SPRING1: variants seen among roughly 807,000 people sequenced by gnomAD.
SPRING1 encodes SREBP regulating gene protein.
Under a neutral mutation model 24.7 loss-of-function variants are expected in SPRING1, and 14 were observed. That is an observed-to-expected ratio of 0.57 (90% confidence interval 0.37 to 0.88). The LOEUF is 0.88. Among genes scored for constraint, SPRING1 ranks in the 40% least tolerant of loss-of-function variants. SPRING1 has a pLI of 0.00. For missense variants in SPRING1, 255 were observed against 268.4 expected, an observed-to-expected ratio of 0.95 and a Z score of 0.35; for synonymous variants, 93 against 106.1, an observed-to-expected ratio of 0.88 and a Z score of 0.76.
intron 1 of SPRING1, among the ~76,000 whole-genome samples, chr12:116,723,816 C>T (rs1306828067): frequency 6.6e-6 from 1 of 152,104 alleles, no homozygotes; most frequent in Admixed American, 6.5e-5. Flanking sequence ...AGTATGTAAC[C>T]CGCTACGGAA....
In SPRING1 at chr12:116,720,970, T is replaced by A. The variant is rs1354636096; in HGVS notation, c.269-523A>T. 6.6e-6 allele frequency among the ~76,000 whole-genome samples: 1 copy of A among 152,194 alleles called. No homozygotes were observed. Among genetic ancestry groups the A allele is most frequent in the Admixed American group, 6.5e-5 (1 of 15,288 alleles). On this transcript the variant is annotated intron_variant, in intron 2 of 4. Transcript: ENST00000261318. The surrounding 1 kb of genome is among the most constrained non-coding windows in gnomAD (Gnocchi z 4.0). ...GATTACAAAAATAGAAATATTCACATCTAACCCTTATAAACTGATTTATAC... is the reference window on the plus strand; with the variant it reads ...GATTACAAAAATAGAAATATTCACAACTAACCCTTATAAACTGATTTATAC...
chr12:116,730,094 G>A (rs1870902030), intron 1 of SPRING1, among the ~76,000 whole-genome samples: 1 of 151,960 alleles, frequency 6.6e-6, no homozygotes, highest in South Asian at 2.1e-4. Context: ...TAGAGACAGG[G>A]TTTCACTGTG....
At position 116,710,557 on chromosome 12, in the gene SPRING1, A is replaced by T. The variant is rs1869827343; in HGVS notation, c.*7253T>A. ...GCCAAAAGGCAGCTATTTTTATGAC[A>T]GAAAACACAGCAGCTGTTTTCACAG... On this transcript the variant is annotated 3_prime_UTR_variant, in exon 5 of 5. Coordinates refer to ENST00000261318, the MANE Select transcript of SPRING1 (RefSeq NM_024738.4). 6.6e-6 allele frequency: 1 copy of T among 152,282 alleles called. No individual in the cohort carries two copies. Among genetic ancestry groups the T allele is most frequent in the Non-Finnish European group, 1.5e-5 (1 of 68,052 alleles). The allele number at this position is 152,282 out of a possible 1,614,324, so 9.4% of individuals were successfully genotyped here. A position where few individuals can be genotyped will look rare whatever the true frequency, so the allele number is the denominator to read the frequency against.
Position 116,719,872 on chromosome 12 carries a change from AG to A in SPRING1, c.424del (p.Leu142PhefsTer49). On this transcript the variant is annotated frameshift_variant, in exon 4 of 5. Coordinates refer to ENST00000261318, the MANE Select transcript of SPRING1 (RefSeq NM_024738.4). LOFTEE classifies it high-confidence loss of function. ...CCGGTTGAGGAAGCGCTCCAGGAGAAGTTGCTATGGAAACAAAAGTTAGTGC... is the reference window on the plus strand; with the variant it reads ...CCGGTTGAGGAAGCGCTCCAGGAGAATTGCTATGGAAACAAAAGTTAGTGC... ...VSCCLQPNKQLLLERFLNRAA... is the reference protein window; with the variant it reads ...VSCCLQPNKQXLLERFLNRAA... The A allele has an allele frequency of 6.2e-7, 1 of 1,614,102 alleles. No homozygotes were observed. The highest frequency in any genetic ancestry group is 8.5e-7 in the Non-Finnish European group (1 of 1,179,946).
Position 116,728,729 on chromosome 12 carries a change from T to G in SPRING1, c.112-5506A>C, listed in dbSNP as rs1254742354. 6.6e-6 allele frequency among the ~76,000 whole-genome samples: 1 copy of G among 152,138 alleles called. No homozygotes were observed. Among genetic ancestry groups the G allele is most frequent in the African/African-American group, 2.4e-5 (1 of 41,436 alleles). ...ACACACCCTGGACCCGTACACTCCATCTCACCATCTCCATTTTACAGAGGA... is the reference window on the plus strand; with the variant it reads ...ACACACCCTGGACCCGTACACTCCAGCTCACCATCTCCATTTTACAGAGGA... On this transcript the variant is annotated intron_variant, in intron 1 of 4. Coordinates refer to ENST00000261318, the MANE Select transcript of SPRING1 (RefSeq NM_024738.4). The surrounding 1 kb of genome is among the most constrained non-coding windows in gnomAD (Gnocchi z 4.2).
At chr12:116,726,313 C>G (rs1870685200) in intron 1 of SPRING1, among the ~76,000 whole-genome samples, 1 of 152,178 alleles carries the variant, frequency 6.6e-6, no homozygotes, top group Non-Finnish European at 1.5e-5. Flanking sequence ...TATGTAGTGC[C>G]AAATAATGTC....
At chr12:116,725,842 C>T (rs1203645886) in intron 1 of SPRING1, among the ~76,000 whole-genome samples, 3 of 151,526 alleles carry the variant, frequency 2.0e-5, no homozygotes, top group Admixed American at 6.6e-5. Context: ...GCCAAGATTG[C>T]GCCACTGCAC....
chr12:116,730,927 C>T (rs1303303449), intron 1 of SPRING1, among the ~76,000 whole-genome samples: 1 of 152,152 alleles, frequency 6.6e-6, no homozygotes, highest in Non-Finnish European at 1.5e-5. Flanking sequence ...AAATGTCTAC[C>T]AAATACCCAA....
chr12:116,729,260 G>C (rs867689355), intron 1 of SPRING1, among the ~76,000 whole-genome samples: 17 of 152,124 alleles, frequency 1.1e-4, no homozygotes, highest in Non-Finnish European at 1.6e-4. Context: ...ACACAAATGT[G>C]TAATTGGAAA....
chr12:116,738,057 A>T lies in SPRING1; in HGVS notation c.-157T>A. 1 of 1,082,994 alleles carries T rather than the reference A, an allele frequency of 9.2e-7. No homozygotes were observed. Among genetic ancestry groups the T allele is most frequent in the Non-Finnish European group, 1.1e-6 (1 of 894,612 alleles). 67.1% of individuals were successfully genotyped at this position (1,082,994 alleles called of 1,614,324 possible). Reference sequence around the variant, plus strand: ...GTCTGCTCCCGGCAGCCTTGGGCGCAGCCCCACGTGACCCCGCCCTACGCC... The same window carrying T: ...GTCTGCTCCCGGCAGCCTTGGGCGCTGCCCCACGTGACCCCGCCCTACGCC... On this transcript the variant is annotated 5_prime_UTR_variant, in exon 1 of 5. Coordinates refer to ENST00000261318, the MANE Select transcript of SPRING1 (RefSeq NM_024738.4).
chr12:116,719,263 A>G (rs1870303381), intron 4 of SPRING1, among the ~76,000 whole-genome samples: 1 of 151,622 alleles, frequency 6.6e-6, no homozygotes, highest in Admixed American at 6.6e-5. Context: ...CAGCACGCTA[A>G]TATGTATTGA....
Position 116,728,200 on chromosome 12 carries a change from G to A in SPRING1, c.112-4977C>T, listed in dbSNP as rs1018413151. 4.6e-5 allele frequency among the ~76,000 whole-genome samples: 7 copies of A among 152,096 alleles called. No homozygotes were observed. Among genetic ancestry groups the A allele is most frequent in the Non-Finnish European group, 7.4e-5 (5 of 68,014 alleles). On this transcript the variant is annotated intron_variant, in intron 1 of 4. Transcript: ENST00000261318. The surrounding 1 kb of genome is among the most constrained non-coding windows in gnomAD (Gnocchi z 4.2). The stretch of plus-strand genomic sequence containing the variant: ...TCAAATGCCTCGCATAGTTAGGCCC[G>A]CCCTGCCACTAGATCATGTCATCCT...
At chr12:116,726,924 A>G (rs757887044) in intron 1 of SPRING1, among the ~76,000 whole-genome samples, 1 of 152,204 alleles carries the variant, frequency 6.6e-6, no homozygotes, top group Non-Finnish European at 1.5e-5. Context: ...CAGGAAAGCA[A>G]TTCTCCCAGC....
intron 1 of SPRING1, among the ~76,000 whole-genome samples, chr12:116,727,120 G>A (rs1472078740): frequency 6.6e-6 from 1 of 152,132 alleles, no homozygotes; most frequent in Non-Finnish European, 1.5e-5. Context: ...TACCCTATTA[G>A]GTTGTCTCAA....
chr12:116,727,816 T>A (rs1352033284), intron 1 of SPRING1, among the ~76,000 whole-genome samples: 1 of 152,128 alleles, frequency 6.6e-6, no homozygotes, highest in Non-Finnish European at 1.5e-5. Context: ...CTCTGGTTAG[T>A]GAGATTATGG....
rs1453889055 is a variant in SPRING1 at position 116,720,687 on chromosome 12, C to T, written c.269-240G>A. Among the ~76,000 whole-genome samples, 1 of 152,226 alleles carries T rather than the reference C, an allele frequency of 6.6e-6. No homozygotes were observed. Among genetic ancestry groups the T allele is most frequent in the African/African-American group, 2.4e-5 (1 of 41,458 alleles). ...CAGGCTACACGTCGGAACCTACCTA[C>T]ACCTACTGTTTAGTCGGCTGGCACA... On this transcript the variant is annotated intron_variant, in intron 2 of 4. Transcript: ENST00000261318. The surrounding 1 kb of genome is among the most constrained non-coding windows in gnomAD (Gnocchi z 4.0).
rs1190365437 is a variant in SPRING1 at position 116,728,715 on chromosome 12, A to G, written c.112-5492T>C. ...TCTCCATCAACGGTACACACCCTGG[A>G]CCCGTACACTCCATCTCACCATCTC... On this transcript the variant is annotated intron_variant, in intron 1 of 4. Coordinates refer to ENST00000261318, the MANE Select transcript of SPRING1 (RefSeq NM_024738.4). This position sits in a 1 kb window ranked among gnomAD's most constrained non-coding sequence, Gnocchi z 4.2. Among the ~76,000 whole-genome samples, 4 of 152,098 alleles carry G rather than the reference A, an allele frequency of 2.6e-5. No homozygotes were observed. Among genetic ancestry groups the G allele is most frequent in the Non-Finnish European group, 5.9e-5 (4 of 68,010 alleles).
In SPRING1 at chr12:116,720,796, G is replaced by GAAA. The variant is rs1870393753; in HGVS notation, c.269-352_269-350dup. On this transcript the variant is annotated intron_variant, in intron 2 of 4. Transcript: ENST00000261318. The surrounding 1 kb of genome is among the most constrained non-coding windows in gnomAD (Gnocchi z 4.0). ...AGCCAACGTCTCATCTGTGCTTGAA[G>GAAA]AAAAATGTCATTCTTTTTTGAACAA... Among the ~76,000 whole-genome samples the GAAA allele has an allele frequency of 6.6e-6, 1 of 152,040 alleles. No homozygotes were observed. The highest frequency in any genetic ancestry group is 2.4e-5 in the African/African-American group (1 of 41,384).
At chr12:116,730,362 C>T (rs1870917529) in intron 1 of SPRING1, among the ~76,000 whole-genome samples, 1 of 152,076 alleles carries the variant, frequency 6.6e-6, no homozygotes, top group South Asian at 2.1e-4. Flanking sequence ...TGCCACCACA[C>T]CCAGCTAATT....
Sources: allele counts gnomAD v4.1 joint callset (sites outside exome capture counted in the v4.1 genomes callset), GRCh38; gene constraint gnomAD v4.1.1; non-coding constraint Gnocchi (gnomAD v3.1); transcripts MANE v1.5; gene names NCBI Gene and HGNC (gene_info 2026-07-23, HGNC 2026-07-21).